ANKS1B: variants seen among roughly 807,000 people sequenced by gnomAD.
ANKS1B encodes the protein ankyrin repeat and sterile alpha motif domain containing 1B, also known as ankyrin repeat and sterile alpha motif domain-containing protein 1B.
A neutral mutation model predicts 148.3 loss-of-function variants in ANKS1B; 36 were observed. That is an observed-to-expected ratio of 0.24 (90% CI 0.19 to 0.32). The LOEUF is 0.32. ANKS1B is among the 10% of genes least tolerant of loss of function. The probability of loss-of-function intolerance (pLI) is 1.00; values close to 1 mark genes in which losing one functional copy is unlikely to be tolerated. For missense variants in ANKS1B, 1,157 were observed against 1,542.6 expected, an observed-to-expected ratio of 0.75 and a Z score of 4.19; for synonymous variants, 542 against 560.8, an observed-to-expected ratio of 0.97 and a Z score of 0.47.
chr12:99,462,554 G>C (rs1442810489), intron 10 of ANKS1B, among the ~76,000 whole-genome samples: 1 of 152,138 alleles, frequency 6.6e-6, no homozygotes, highest in Non-Finnish European at 1.5e-5. Context: ...ATCTTGGATT[G>C]AACTCAGTTG....
At position 99,018,835 on chromosome 12, in the gene ANKS1B, C is replaced by T. The variant is rs572647978; in HGVS notation, c.2778+34322G>A. ...GAGGGCACCTGTAATCCCAGCTACT[C>T]AGGAGGCTGAGGCAGGAGAATCATT... On this transcript the variant is annotated intron_variant, in intron 17 of 26. Transcript: ENST00000683438. Among the ~76,000 whole-genome samples the T allele has an allele frequency of 4.9e-4, 75 of 152,194 alleles. 1 individual carries two copies. The highest frequency in any genetic ancestry group is 1.8e-3 in the African/African-American group (75 of 41,536).
At chr12:98,759,890 G>C (rs11109591) in intron 25 of ANKS1B, among the ~76,000 whole-genome samples, 2,112 of 152,238 alleles carry the variant, frequency 0.014, 44 homozygotes, top group South Asian at 0.078. Context: ...TGAGGCAGGA[G>C]ACTCGCTTGA....
chr12:99,546,754 C>T lies in ANKS1B; in HGVS notation c.1273-42113G>A, dbSNP rs76592156. Among the ~76,000 whole-genome samples, 414 of 152,056 alleles carry T rather than the reference C, an allele frequency of 2.7e-3. 1 individual carries two copies. Among genetic ancestry groups the T allele is most frequent in the African/African-American group, 8.7e-3 (361 of 41,466 alleles). ...GAAATCAGATGGAGTCTGGTCAGAACGAATGGAAGGGAAAAATAGTTAACT... is the reference window on the plus strand; with the variant it reads ...GAAATCAGATGGAGTCTGGTCAGAATGAATGGAAGGGAAAAATAGTTAACT... On this transcript the variant is annotated intron_variant, in intron 9 of 26. Coordinates refer to ENST00000683438, the MANE Select transcript of ANKS1B (RefSeq NM_001352186.2).
rs60264932 is a variant in ANKS1B at position 99,909,217 on chromosome 12, C to CGTGTGT, written c.134+74881_134+74886dup. On this transcript the variant is annotated intron_variant, in intron 1 of 26. Coordinates refer to ENST00000683438, the MANE Select transcript of ANKS1B (RefSeq NM_001352186.2). ...TTTTTAAGGCTGGACAATATTCCAT[C>CGTGTGT]GTGTGTGTGTGTGTGTGTGTGTGTG... Among the ~76,000 whole-genome samples, 265 of 137,380 alleles carry CGTGTGT rather than the reference C, an allele frequency of 1.9e-3. 1 individual carries two copies. The highest frequency in any genetic ancestry group is 0.011 in the Middle Eastern group (3 of 272). The allele number at this position is 137,380 out of a possible 152,430, so 90.1% of individuals were successfully genotyped here.
intron 11 of ANKS1B, among the ~76,000 whole-genome samples, chr12:99,401,213 T>C (rs1473644566): frequency 6.8e-6 from 1 of 146,276 alleles, no homozygotes; most frequent in East Asian, 1.9e-4. Flanking sequence ...CAGGGTTTAA[T>C]GTCAGGCTTG....
chr12:99,841,812 C>G (rs1201069924), intron 1 of ANKS1B, among the ~76,000 whole-genome samples: 1 of 151,802 alleles, frequency 6.6e-6, no homozygotes, highest in Non-Finnish European at 1.5e-5. Context: ...TTGTTATTGT[C>G]CATATTTACA....
At position 99,825,775 on chromosome 12, in the gene ANKS1B, A is replaced by G. The variant is rs796644224; in HGVS notation, c.135-386T>C. Among the ~76,000 whole-genome samples, 6 of 151,852 alleles carry G rather than the reference A, an allele frequency of 4.0e-5. No individual in the cohort carries two copies. The East Asian group carries it at 7.7e-4, about 20-fold the overall frequency. ...AGACCTGCCTCATGCCTGTTAACAC[A>G]CTCCTTCTGAGGTGCCGGTGATTTA... On this transcript the variant is annotated intron_variant, in intron 1 of 26. Coordinates refer to ENST00000683438, the MANE Select transcript of ANKS1B (RefSeq NM_001352186.2).
At chr12:99,740,209 G>C (rs1164885761) in intron 8 of ANKS1B, among the ~76,000 whole-genome samples, 1 of 152,068 alleles carries the variant, frequency 6.6e-6, no homozygotes, top group East Asian at 1.9e-4. Context: ...TACTTGGGAA[G>C]CTGAGGGGGA....
At chr12:99,141,421 T>C (rs2070743729) in intron 15 of ANKS1B, among the ~76,000 whole-genome samples, 1 of 151,722 alleles carries the variant, frequency 6.6e-6, no homozygotes, top group Non-Finnish European at 1.5e-5. Flanking sequence ...TTTTTTCACC[T>C]TCAACTTTTA....
At chr12:99,106,447 T>G (rs1319264907) in intron 15 of ANKS1B, among the ~76,000 whole-genome samples, 1 of 152,254 alleles carries the variant, frequency 6.6e-6, no homozygotes, top group African/African-American at 2.4e-5. Context: ...TAAATCATGT[T>G]TTGAATTTCG....
At chr12:99,322,841 G>A (rs1055075668) in intron 12 of ANKS1B, among the ~76,000 whole-genome samples, 4 of 152,164 alleles carry the variant, frequency 2.6e-5, no homozygotes, top group East Asian at 1.9e-4. Flanking sequence ...TCCCCGTACC[G>A]TTCTCACGGT....
rs1555269938 is a variant in ANKS1B at position 99,121,318 on chromosome 12, G to GGTGT, written c.2526+32970_2526+32971insACAC. Among the ~76,000 whole-genome samples, 12 of 105,926 alleles carry GGTGT rather than the reference G, an allele frequency of 1.1e-4. 1 individual carries two copies. Among genetic ancestry groups the GGTGT allele is most frequent in the African/African-American group, 3.2e-4 (7 of 21,686 alleles). 69.5% of individuals were successfully genotyped at this position (105,926 alleles called of 152,430 possible). A position where few individuals can be genotyped will look rare whatever the true frequency, so the allele number is the denominator to read the frequency against. On this transcript the variant is annotated intron_variant, in intron 15 of 26. Coordinates refer to ENST00000683438, the MANE Select transcript of ANKS1B (RefSeq NM_001352186.2). Reference sequence around the variant, plus strand: ...ACTGTTTTAACAGTGTGTGTATGTAGGTATGTGTGTGTGTGTGTGTGTGTG... The same window carrying GGTGT: ...ACTGTTTTAACAGTGTGTGTATGTAGGTGTGTATGTGTGTGTGTGTGTGTGTGTG...
intron 1 of ANKS1B, among the ~76,000 whole-genome samples, chr12:99,951,755 A>G (rs570019054): frequency 1.3e-5 from 2 of 152,118 alleles, no homozygotes; most frequent in African/African-American, 4.8e-5. Context: ...ACAATGGCCC[A>G]TGCCTGTAGT....
intron 12 of ANKS1B, among the ~76,000 whole-genome samples, chr12:99,398,287 T>C (rs924246773): frequency 2.0e-5 from 3 of 152,126 alleles, no homozygotes; most frequent in Non-Finnish European, 2.9e-5. Flanking sequence ...TCTCTGACTA[T>C]ATTTCCAGAA....
In ANKS1B at chr12:99,833,825, A is replaced by T. The variant is rs554504987; in HGVS notation, c.135-8436T>A. Among the ~76,000 whole-genome samples the T allele has an allele frequency of 1.5e-3, 229 of 152,336 alleles. 1 individual carries two copies. Among genetic ancestry groups the T allele is most frequent in the African/African-American group, 5.0e-3 (206 of 41,596 alleles). Reference sequence around the variant, plus strand: ...AGATTTCAATTACCTATACCAACTCAGTTCCCCATTATACAAAAATTAATT... The same window carrying T: ...AGATTTCAATTACCTATACCAACTCTGTTCCCCATTATACAAAAATTAATT... On this transcript the variant is annotated intron_variant, in intron 1 of 26. Coordinates refer to ENST00000683438, the MANE Select transcript of ANKS1B (RefSeq NM_001352186.2).
At chr12:98,758,036 G>T (rs2098302441) in intron 25 of ANKS1B, among the ~76,000 whole-genome samples, 2 of 152,054 alleles carry the variant, frequency 1.3e-5, no homozygotes, top group South Asian at 4.1e-4. Flanking sequence ...TTAAAATGGG[G>T]ATAATACCAT....
At chr12:99,571,451 G>A (rs2097454887) in intron 9 of ANKS1B, among the ~76,000 whole-genome samples, 1 of 151,938 alleles carries the variant, frequency 6.6e-6, no homozygotes, top group Admixed American at 6.6e-5. Flanking sequence ...AGTAGTATCT[G>A]ATTCAGGTAT....
intron 1 of ANKS1B, among the ~76,000 whole-genome samples, chr12:99,964,528 T>C (rs1448145271): frequency 6.6e-6 from 1 of 152,178 alleles, no homozygotes; most frequent in Non-Finnish European, 1.5e-5. Flanking sequence ...AGGAGGTGTG[T>C]CCATATTGGG....
intron 8 of ANKS1B, among the ~76,000 whole-genome samples, chr12:99,656,788 A>G (rs2098451806): frequency 6.6e-6 from 1 of 152,146 alleles, no homozygotes; most frequent in Admixed American, 6.5e-5. Context: ...ATAAAAAGAA[A>G]TACACTAAAT....
Sources: allele counts gnomAD v4.1 joint callset (sites outside exome capture counted in the v4.1 genomes callset), GRCh38; gene constraint gnomAD v4.1.1; transcripts MANE v1.5; gene names NCBI Gene and HGNC (gene_info 2026-07-23, HGNC 2026-07-21).